ROCK1: variants seen among roughly 807,000 people sequenced by gnomAD.
ROCK1 encodes the protein rho-associated protein kinase 1.
In ROCK1, 36 loss-of-function variants were observed where a neutral mutation model predicts 196.8. The observed-to-expected ratio is 0.18, with a 90% CI of 0.14 to 0.24. ROCK1 has a LOEUF of 0.24. Ranked by LOEUF, ROCK1 falls within the 10% of genes least tolerant of loss-of-function variation. The pLI is 1.00. For missense variants in ROCK1, 920 were observed against 1,562.0 expected (o/e 0.59, Z 6.93); for synonymous variants, 443 against 515.9 (o/e 0.86, Z 1.91).
chr18:21,044,861 C>A (rs1400645344), intron 5 of ROCK1, among the ~76,000 whole-genome samples: 1 of 151,838 alleles, frequency 6.6e-6, no homozygotes, highest in Non-Finnish European at 1.5e-5. Context: ...GTTTGGAGTT[C>A]TTTTTTTCCC....
intron 11 of ROCK1, among the ~76,000 whole-genome samples, chr18:21,021,581 G>A (rs2035913499): frequency 1.3e-5 from 2 of 152,192 alleles, no homozygotes; most frequent in Admixed American, 1.3e-4. Flanking sequence ...ATCATCCACT[G>A]TATTTGGCAA....
intron 29 of ROCK1, among the ~76,000 whole-genome samples, chr18:20,958,942 A>AATAATATATATATTTTATATAATATAT (rs1166176471): frequency 7.4e-5 from 7 of 93,998 alleles, no homozygotes; most frequent in South Asian, 2.7e-4. Flanking sequence ...TTATATAAAA[A>AATAATATATATATTTTATATAATATAT]ATAATATATA....
chr18:20,991,211 T>C lies in ROCK1; in HGVS notation c.2108A>G (p.Gln703Arg). The C allele has an allele frequency of 6.2e-7, 1 of 1,612,356 alleles. No homozygotes were observed. Among genetic ancestry groups the C allele is most frequent in the Non-Finnish European group, 8.5e-7 (1 of 1,179,538 alleles). The change falls in exon 18 of 33, where the codon CAA becomes CGA. Residue 703 changes from glutamine to arginine, a missense_variant. Gln to Arg is a conservative substitution (Grantham distance 43). Transcript: ENST00000399799. ...VTKARLTDKH[Q>R]SIEEAKSVAM... Reference sequence around the variant, plus strand: ...CACAGACTTTGCCTCTTCAATAGATTGATGTTTGTCAGTTAAACGAGCTTT... The same window carrying C: ...CACAGACTTTGCCTCTTCAATAGATCGATGTTTGTCAGTTAAACGAGCTTT...
intron 2 of ROCK1, among the ~76,000 whole-genome samples, chr18:21,064,719 T>TTA (rs1407121508): frequency 1.3e-5 from 2 of 152,216 alleles, no homozygotes; most frequent in Non-Finnish European, 2.9e-5. Context: ...TCTTTTGTAT[T>TTA]TATCCCTGGA....
intron 1 of ROCK1, among the ~76,000 whole-genome samples, chr18:21,098,904 C>T (rs139725153): frequency 3.1e-3 from 468 of 152,176 alleles, no homozygotes; most frequent in Non-Finnish European, 5.2e-3. Context: ...CACTTGTCAC[C>T]TATTAAATGG....
At chr18:21,013,744 C>T (rs966899634) in intron 13 of ROCK1, among the ~76,000 whole-genome samples, 10 of 152,018 alleles carry the variant, frequency 6.6e-5, no homozygotes, top group African/African-American at 2.2e-4. Context: ...GTCTAGACTT[C>T]CCACTCAGCC....
At chr18:21,097,410 C>T (rs966775717) in intron 1 of ROCK1, among the ~76,000 whole-genome samples, 2 of 152,164 alleles carry the variant, frequency 1.3e-5, no homozygotes, top group Admixed American at 6.5e-5. Context: ...CCAACCTATA[C>T]TATAAAAGTA....
intron 1 of ROCK1, among the ~76,000 whole-genome samples, chr18:21,085,890 AAGG>A (rs763001671): frequency 4.9e-4 from 74 of 152,288 alleles, no homozygotes; most frequent in Middle Eastern, 3.4e-3. Context: ...GGATAATTTC[AAGG>A]AGGATTTCCT....
Position 21,027,024 on chromosome 18 carries a change from C to T in ROCK1, c.1211+1752G>A, listed in dbSNP as rs187638773. Among the ~76,000 whole-genome samples the T allele has an allele frequency of 2.8e-3, 424 of 151,540 alleles. 3 individuals carry two copies. The highest frequency in any genetic ancestry group is 3.6e-3 in the Non-Finnish European group (244 of 67,850). ...CGTGATCTAGGCTCACTGTAACCTC[C>T]GCCCCCCAGGTTGAAGCGATTCTCC... On this transcript the variant is annotated intron_variant, in intron 10 of 32. Transcript: ENST00000399799.
At chr18:21,024,769 A>G (rs1367473856) in intron 10 of ROCK1, among the ~76,000 whole-genome samples, 1 of 152,240 alleles carries the variant, frequency 6.6e-6, no homozygotes, top group African/African-American at 2.4e-5. Flanking sequence ...TTTTCCTTGA[A>G]AAATTATTCA....
At chr18:20,969,317 A>G (rs2035404545) in intron 23 of ROCK1, 109 bp from the exon 24 acceptor site, 1 of 591,364 alleles carries the variant, frequency 1.7e-6, no homozygotes, top group Non-Finnish European at 3.0e-6. Flanking sequence ...ACACTGCTGA[A>G]CTACAGCAAA....
At chr18:21,018,187 C>A (rs1353331453) in intron 12 of ROCK1, among the ~76,000 whole-genome samples, 3 of 151,752 alleles carry the variant, frequency 2.0e-5, no homozygotes, top group Non-Finnish European at 4.4e-5. Context: ...CAAACTGATC[C>A]CTACTCACCA....
chr18:20,991,986 A>G (rs959935686), intron 17 of ROCK1, among the ~76,000 whole-genome samples: 1 of 152,152 alleles, frequency 6.6e-6, no homozygotes, highest in African/African-American at 2.4e-5. Context: ...CTACATTTGC[A>G]TCTATATCCA....
At chr18:21,037,963 G>A (rs964287993) in intron 9 of ROCK1, among the ~76,000 whole-genome samples, 12 of 151,960 alleles carry the variant, frequency 7.9e-5, no homozygotes, top group South Asian at 2.1e-4. Flanking sequence ...TTACTTTTGC[G>A]GTTGATTTAT....
intron 1 of ROCK1, among the ~76,000 whole-genome samples, chr18:21,086,610 G>T (rs1264812343): frequency 1.3e-5 from 2 of 151,950 alleles, no homozygotes; most frequent in African/African-American, 4.8e-5. Context: ...GGCTAAAAGG[G>T]ACTAAAACAA....
intron 1 of ROCK1, among the ~76,000 whole-genome samples, chr18:21,103,970 T>C (rs2036681058): frequency 6.6e-6 from 1 of 152,234 alleles, no homozygotes; most frequent in Admixed American, 6.5e-5. Flanking sequence ...GTACTACCTG[T>C]TCATCTTCTT....
chr18:20,963,147 A>C (rs966146098), intron 27 of ROCK1, among the ~76,000 whole-genome samples: 6 of 152,132 alleles, frequency 3.9e-5, no homozygotes, highest in Non-Finnish European at 8.8e-5. Context: ...GTACAAAAAC[A>C]ACTTGGCTCT....
Position 20,970,531 on chromosome 18 carries a change from G to A in ROCK1, c.2655-18C>T. On this transcript the variant is annotated intron_variant, in intron 22 of 32. Transcript: ENST00000399799. Reference sequence around the variant, plus strand: ...GAGTTTCTCTGCAACAATTTTTTAAGAGAAACTGATGTAAACAAATTCAGT... The same window carrying A: ...GAGTTTCTCTGCAACAATTTTTTAAAAGAAACTGATGTAAACAAATTCAGT... The A allele has an allele frequency of 2.5e-6, 4 of 1,573,056 alleles. No homozygotes were observed. The highest frequency in any genetic ancestry group is 2.3e-5 in the East Asian group (1 of 44,400).
At chr18:21,097,751 C>A (rs1025092117) in intron 1 of ROCK1, among the ~76,000 whole-genome samples, 16 of 152,250 alleles carry the variant, frequency 1.1e-4, no homozygotes, top group African/African-American at 3.9e-4. Flanking sequence ...AAAGCACTTA[C>A]ATGCATTACC....
Sources: gnomAD v4.1 joint callset for allele counts (sites outside exome capture counted in the v4.1 genomes callset) on GRCh38, gnomAD v4.1.1 for gene constraint, MANE v1.5 for transcripts, NCBI Gene and HGNC (gene_info 2026-07-23, HGNC 2026-07-21) for gene names.